GRIK3: variants seen among roughly 807,000 people sequenced by gnomAD.
GRIK3 encodes glutamate ionotropic receptor kainate type subunit 3.
Under a neutral mutation model 102.5 loss-of-function variants are expected in GRIK3, and 29 were observed. The ratio of observed to expected loss-of-function variants is 0.28; its 90% CI spans 0.21 to 0.39. GRIK3 has a LOEUF of 0.39. Ranked by LOEUF, GRIK3 falls within the 10% of genes least tolerant of loss-of-function variation. GRIK3 has a pLI of 1.00. For synonymous variants in GRIK3, 511 were observed against 504.9 expected (o/e 1.01, Z -0.16); for missense variants, 908 against 1,252.4 (o/e 0.73, Z 4.15).
chr1:36,891,090 A>G lies in GRIK3; in HGVS notation c.122T>C (p.Ile41Thr). 2 of 1,611,462 alleles carry G rather than the reference A, an allele frequency of 1.2e-6. No homozygotes were observed. The highest frequency in any genetic ancestry group is 1.7e-6 in the Non-Finnish European group (2 of 1,178,380). ...GTTGGGGCCGTCCGCATACTCGAAG[A>G]TTCCTCCTGTGAAAGATGAGTAAAA... Reference protein sequence around the residue: ...GMPHVIRIGGIFEYADGPNAQ... With the variant: ...GMPHVIRIGGTFEYADGPNAQ... The change falls in exon 2 of 16, where the codon ATC (isoleucine) becomes ACC (threonine). Residue 41 changes from isoleucine (I) to threonine (T), a missense_variant. This residue lies in a region of GRIK3 where 585 missense variants were observed against 824.9 expected (regional missense o/e 0.71). Transcript: ENST00000373091.
rs756804570 is a variant in GRIK3, at chr1:36,817,013, G to A, written c.2091+47C>T. Reference sequence around the variant, plus strand: ...TCCTCTTCTGCTCAGTAAAGGGTCCGGAGAGGATCAGCTCACGGTGCTGCA... The same window carrying A: ...TCCTCTTCTGCTCAGTAAAGGGTCCAGAGAGGATCAGCTCACGGTGCTGCA... On this transcript the variant is annotated intron_variant, in intron 13 of 15. Transcript: ENST00000373091. 6.1e-5 allele frequency: 82 copies of A among 1,348,698 alleles called. 3 individuals are homozygous for A. Among genetic ancestry groups the A allele is most frequent in the South Asian group, 4.5e-4 (38 of 84,282 alleles). The allele number at this position is 1,348,698 out of a possible 1,614,324, so 83.5% of individuals were successfully genotyped here.
chr1:36,856,401 C>T (rs1203700140), intron 7 of GRIK3, among the ~76,000 whole-genome samples: 1 of 152,246 alleles, frequency 6.6e-6, no homozygotes, highest in Non-Finnish European at 1.5e-5. Flanking sequence ...CCCCCTCTAG[C>T]CACCGCTCAG....
intron 13 of GRIK3, among the ~76,000 whole-genome samples, chr1:36,816,685 G>A (rs981689821): frequency 2.6e-5 from 4 of 152,164 alleles, no homozygotes; most frequent in African/African-American, 4.8e-5. Flanking sequence ...TGAGATGGAC[G>A]GCATTGAGGT....
At chr1:36,959,735 G>A (rs1200288119) in intron 1 of GRIK3, among the ~76,000 whole-genome samples, 8 of 116,262 alleles carry the variant, frequency 6.9e-5, no homozygotes, top group African/African-American at 2.1e-4. Context: ...TGTGTCCCAT[G>A]AGTCTGTGCG....
intron 1 of GRIK3, among the ~76,000 whole-genome samples, chr1:36,915,002 T>C (rs1641383391): frequency 6.6e-6 from 1 of 152,228 alleles, no homozygotes; most frequent in African/African-American, 2.4e-5. Flanking sequence ...CATTAGCACA[T>C]GAGGCTGCTT....
intron 1 of GRIK3, among the ~76,000 whole-genome samples, chr1:36,957,462 T>TGTGTGCCCTGTG (rs879363743): frequency 0.024 from 2,747 of 115,178 alleles, 103 homozygotes; most frequent in Non-Finnish European, 0.031. Flanking sequence ...CCTGTGAGCC[T>TGTGTGCCCTGTG]ATGTGCTCTG....
chr1:36,809,107 C>A (rs1453618069), intron 13 of GRIK3, among the ~76,000 whole-genome samples: 2 of 152,086 alleles, frequency 1.3e-5, no homozygotes, highest in Non-Finnish European at 2.9e-5. Flanking sequence ...ATCAGACCTC[C>A]TAATGCATCT....
rs754808037 is a variant in GRIK3, at chr1:36,850,390, A to T, written c.1247T>A (p.Ile416Asn). ...GCCTCGGCCTTTGGCAACCTCAGTG[A>T]TGTTGAGCCCGTCGGCAGGACTCCA... is the stretch of plus-strand genomic sequence containing the variant. ...GVWSPADGLN[I>N]TEVAKGRGPN... The change falls in exon 9 of 16, where the codon ATC becomes AAC. Residue 416 changes from isoleucine to asparagine, a missense_variant. By Grantham distance (149) the Ile-to-Asn change is moderately radical (BLOSUM62 -3). Around this residue, in one of 3 missense-constraint regions of GRIK3, gnomAD observed 585 missense variants for 824.9 expected, o/e 0.71. Coordinates refer to ENST00000373091, the MANE Select transcript of GRIK3 (RefSeq NM_000831.4). The surrounding 1 kb of genome is among the most constrained non-coding windows in gnomAD (Gnocchi z 4.0). 1 of 1,613,482 alleles carries T rather than the reference A, an allele frequency of 6.2e-7. No individual in the cohort carries two copies. The highest frequency in any genetic ancestry group is 1.7e-4 in the Middle Eastern group (1 of 6,052).
rs192676476 is a variant in GRIK3 at position 36,890,376 on chromosome 1, A to G, written c.292+544T>C. 2.1e-3 allele frequency among the ~76,000 whole-genome samples: 320 copies of G among 152,058 alleles called. 1 individual carries two copies. The highest frequency in any genetic ancestry group is 3.6e-3 in the Non-Finnish European group (243 of 67,990). ...CTACTCAGGAGGCGGAGAGAGGAGAATTGCTTGAACCTGGGAGGCGGAGGG... is the reference window on the plus strand; with the variant it reads ...CTACTCAGGAGGCGGAGAGAGGAGAGTTGCTTGAACCTGGGAGGCGGAGGG... On this transcript the variant is annotated intron_variant, in intron 2 of 15. Transcript: ENST00000373091.
At position 36,999,330 on chromosome 1, in the gene GRIK3, C is replaced by T. The variant is rs377285082; in HGVS notation, c.115+34664G>A. Among the ~76,000 whole-genome samples, 10 of 152,112 alleles carry T rather than the reference C, an allele frequency of 6.6e-5. No homozygotes were observed. The East Asian group carries it at 7.7e-4, about 12-fold the overall frequency. The stretch of plus-strand genomic sequence containing the variant: ...GGTAGAGGAGCAGAGAATCCCTGTC[C>T]GAGAGCAGATGCTGCTTTCTCAAAA... On this transcript the variant is annotated intron_variant, in intron 1 of 15. Transcript: ENST00000373091.
At chr1:36,965,185 C>T (rs1015526206) in intron 1 of GRIK3, among the ~76,000 whole-genome samples, 2 of 152,150 alleles carry the variant, frequency 1.3e-5, no homozygotes, top group East Asian at 3.8e-4. Flanking sequence ...GTCAAATGAA[C>T]GAGTTGAATT....
chr1:36,994,524 T>TCTGTGGAACA (rs1318296040), intron 1 of GRIK3, among the ~76,000 whole-genome samples: 1 of 152,246 alleles, frequency 6.6e-6, no homozygotes, highest in Non-Finnish European at 1.5e-5. Flanking sequence ...AGCAAGTTCA[T>TCTGTGGAACA]CTGTGGAACA....
chr1:36,881,337 C>T (rs1640974959), intron 2 of GRIK3, among the ~76,000 whole-genome samples: 1 of 152,144 alleles, frequency 6.6e-6, no homozygotes. Flanking sequence ...CTGTGCATCT[C>T]ACCTCTTACT....
intron 1 of GRIK3, among the ~76,000 whole-genome samples, chr1:36,958,423 C>CCCCATGAGCCTGTGTGA (rs1641952373): frequency 7.7e-6 from 1 of 129,842 alleles, no homozygotes; most frequent in Admixed American, 7.8e-5. Flanking sequence ...TGAGTCTGTG[C>CCCCATGAGCCTGTGTGA]CCCGTGACTC....
intron 5 of GRIK3, among the ~76,000 whole-genome samples, chr1:36,868,921 C>T (rs1246129935): frequency 2.6e-5 from 4 of 152,196 alleles, no homozygotes; most frequent in South Asian, 2.1e-4. Flanking sequence ...TAGAGGCCTA[C>T]AGGGCTGCAG....
intron 1 of GRIK3, among the ~76,000 whole-genome samples, chr1:37,022,615 CACCATAG>C (rs1461535573): frequency 1.3e-5 from 2 of 152,152 alleles, no homozygotes; most frequent in Non-Finnish European, 2.9e-5. Flanking sequence ...GTCAGAAGAC[CACCATAG>C]ACAGCATGAG....
intron 1 of GRIK3, among the ~76,000 whole-genome samples, chr1:37,017,515 A>G (rs1642665578): frequency 6.6e-6 from 1 of 152,028 alleles, no homozygotes; most frequent in Admixed American, 6.6e-5. Context: ...GAGTTTGCAT[A>G]GCCAGGAGCA....
chr1:36,941,452 G>A (rs1428873845), intron 1 of GRIK3, among the ~76,000 whole-genome samples: 8 of 152,220 alleles, frequency 5.3e-5, no homozygotes, highest in African/African-American at 1.9e-4. Context: ...GAAGCCCAGA[G>A]GCCCGGGCTG....
intron 1 of GRIK3, among the ~76,000 whole-genome samples, chr1:36,978,400 G>A (rs915196045): frequency 4.6e-5 from 7 of 152,218 alleles, no homozygotes; most frequent in Middle Eastern, 6.3e-3. Flanking sequence ...TTATGGACTC[G>A]GCTAGAAAGC....
Sources: gnomAD v4.1 joint callset for allele counts (sites outside exome capture counted in the v4.1 genomes callset) on GRCh38, gnomAD v4.1.1 for gene constraint, gnomAD v4.1.1 regional missense constraint, Gnocchi (gnomAD v3.1) non-coding constraint, MANE v1.5 for transcripts, NCBI Gene and HGNC (gene_info 2026-07-23, HGNC 2026-07-21) for gene names.